Variants in EXOC8 observed in about 807,000 individuals in gnomAD.
The protein encoded by EXOC8 is exocyst complex 84 kDa subunit.
Under a neutral mutation model 50.8 loss-of-function variants are expected in EXOC8, and 19 were observed. The observed-to-expected ratio is 0.37, with a 90% CI of 0.26 to 0.55. The LOEUF (loss-of-function observed/expected upper bound fraction) is 0.55, where lower values mean the gene tolerates loss of function less well. Ranked by LOEUF, EXOC8 falls within the 20% of genes least tolerant of loss-of-function variation. The pLI, the probability that EXOC8 is intolerant of heterozygous loss-of-function variation, is 0.80. For synonymous variants in EXOC8, 384 were observed against 367.9 expected (o/e 1.04, Z -0.50); for missense variants, 781 against 915.8 (o/e 0.85, Z 1.90).
At position 231,333,323 on chromosome 1, in the gene EXOC8, ACT is replaced by A. The variant is rs1686601774; in HGVS notation, c.*2243_*2244del. The A allele has an allele frequency of 6.6e-6, 1 of 152,200 alleles. No homozygotes were observed. 9.4% of individuals were successfully genotyped at this position (152,200 alleles called of 1,614,324 possible). ...TTTAGTCAAGTTCCCATACTAATTG[ACT>A]CACCAAAGCATACTTCCTTCAGCTA... On this transcript the variant is annotated 3_prime_UTR_variant, in exon 1 of 1. Transcript: ENST00000366645.
In EXOC8 at chr1:231,333,169, A is replaced by T. The variant is rs530715577; in HGVS notation, c.*2399T>A. On this transcript the variant is annotated 3_prime_UTR_variant, in exon 1 of 1. Transcript: ENST00000366645. ...ACATTTCTGGACAATCTCTCATTGC[A>T]TTCAATTTTTAGAACTTGTCTTGGG... is the stretch of plus-strand genomic sequence containing the variant. 1 of 152,244 alleles carries T rather than the reference A, an allele frequency of 6.6e-6. No individual in the cohort carries two copies. The highest frequency in any genetic ancestry group is 2.4e-5 in the African/African-American group (1 of 41,472). The allele number at this position is 152,244 out of a possible 1,614,324, so 9.4% of individuals were successfully genotyped here.
rs1469457654 is a variant in EXOC8, at chr1:231,336,441, C to T, written c.1305G>A (p.Arg435=). 2 of 1,613,778 alleles carry T rather than the reference C, an allele frequency of 1.2e-6. No individual in the cohort carries two copies. Among genetic ancestry groups the T allele is most frequent in the East Asian group, 4.5e-5 (2 of 44,902 alleles). ...GAATTGCAGTATGAACAGCGGCTGC[C>T]CTGTTTCTCAAAAATAGCTCACAGG... is the stretch of plus-strand genomic sequence containing the variant. The part of the protein sequence containing the change: ...TKACELFLRN[R]AAAVHTAIRQ... The change falls in exon 1 of 1, where the codon AGG becomes AGA. Residue 435 remains arginine, a synonymous_variant. Transcript: ENST00000366645. The surrounding 1 kb of genome is among the most constrained non-coding windows in gnomAD (Gnocchi z 5.4).
rs1686716083 is a variant in EXOC8, at chr1:231,337,674, C to T, written c.72G>A (p.Ala24=). ...GCGAGAGCTGCTTCACGTACAGCCGCGCCTCAAAACCCCCTGACTCCAGCT... is the reference window on the plus strand; with the variant it reads ...GCGAGAGCTGCTTCACGTACAGCCGTGCCTCAAAACCCCCTGACTCCAGCT... The part of the protein sequence containing the change: ...RRQLESGGFE[A]RLYVKQLSQQ... The change falls in exon 1 of 1, where the codon GCG becomes GCA. Residue 24 remains alanine (A), a synonymous_variant. Coordinates refer to ENST00000366645, the MANE Select transcript of EXOC8 (RefSeq NM_175876.5). The surrounding 1 kb of genome is among the most constrained non-coding windows in gnomAD (Gnocchi z 5.9). 3 of 1,609,566 alleles carry T rather than the reference C, an allele frequency of 1.9e-6. No homozygotes were observed. Among genetic ancestry groups the T allele is most frequent in the Middle Eastern group, 1.6e-4 (1 of 6,084 alleles).
rs1686647210 is a variant in EXOC8 at position 231,335,544 on chromosome 1, T to C, written c.*24A>G. On this transcript the variant is annotated 3_prime_UTR_variant, in exon 1 of 1. Transcript: ENST00000366645. ...TATATAAGCTCTCTCTCTGCATATA[T>C]ACACATATAAACAGACCCAAGCATT... 1 of 1,552,750 alleles carries C rather than the reference T, an allele frequency of 6.4e-7. No homozygotes were observed. Among genetic ancestry groups the C allele is most frequent in the Non-Finnish European group, 8.7e-7 (1 of 1,155,688 alleles).
chr1:231,336,567 C>A lies in EXOC8; in HGVS notation c.1179G>T (p.Val393=). 1.2e-6 allele frequency: 2 copies of A among 1,614,154 alleles called. No individual in the cohort carries two copies. The highest frequency in any genetic ancestry group is 1.7e-6 in the Non-Finnish European group (2 of 1,180,040). ...VEERVRQLTE[V]LVFELSPDRS... Reference sequence around the variant, plus strand: ...GATCTGGGGAGAGTTCGAAAACTAGCACCTCAGTGAGCTGTCGAACTCGCT... The same window carrying A: ...GATCTGGGGAGAGTTCGAAAACTAGAACCTCAGTGAGCTGTCGAACTCGCT... Residue 393 remains valine, a synonymous_variant, in exon 1 of 1, where the codon GTG becomes GTT. Transcript: ENST00000366645. This position sits in a 1 kb window ranked among gnomAD's most constrained non-coding sequence, Gnocchi z 5.4.
chr1:231,337,431 C>A lies in EXOC8; in HGVS notation c.315G>T (p.Leu105Phe), dbSNP rs923633976. ...KSSLESIPLTLLPAAAAAGAA... is the reference protein window; with the variant it reads ...KSSLESIPLTFLPAAAAAGAA... ...CTCCGGCGGCAGCAGCGGCAGGCAGCAACGTAAGCGGGATGCTCTCCAGGC... is the reference window on the plus strand; with the variant it reads ...CTCCGGCGGCAGCAGCGGCAGGCAGAAACGTAAGCGGGATGCTCTCCAGGC... Residue 105 changes from leucine (L) to phenylalanine (F), a missense_variant, in exon 1 of 1, where the codon TTG (leucine) becomes TTT (phenylalanine). Physicochemically the swap from Leu to Phe is conservative, Grantham distance 22. Coordinates refer to ENST00000366645, the MANE Select transcript of EXOC8 (RefSeq NM_175876.5). This position sits in a 1 kb window ranked among gnomAD's most constrained non-coding sequence, Gnocchi z 5.9. 6.2e-7 allele frequency: 1 copy of A among 1,608,846 alleles called. No homozygotes were observed. Among genetic ancestry groups the A allele is most frequent in the Non-Finnish European group, 8.5e-7 (1 of 1,179,822 alleles).
rs770048359 is a variant in EXOC8 at position 231,337,312 on chromosome 1, C to A, written c.434G>T (p.Gly145Val). 8 of 1,603,076 alleles carry A rather than the reference C, an allele frequency of 5.0e-6. No homozygotes were observed. In the African/African-American group the frequency reaches 6.7e-5, roughly 13 times the overall value. Reference protein sequence around the residue: ...GQAGFFSTPGGASRDGSGPGE... With the variant: ...GQAGFFSTPGVASRDGSGPGE... ...TGGACCGGAGCCGTCGCGGGAGGCACCCCCGGGGGTGGAGAAAAAGCCGGC... is the reference window on the plus strand; with the variant it reads ...TGGACCGGAGCCGTCGCGGGAGGCAACCCCGGGGGTGGAGAAAAAGCCGGC... Residue 145 changes from glycine to valine, a missense_variant, in exon 1 of 1, where the codon GGT (glycine) becomes GTT (valine). By Grantham distance (109) the Gly-to-Val change is moderately radical (BLOSUM62 -3). Around this residue, in one of 3 missense-constraint regions of EXOC8, gnomAD observed 700 missense variants for 804.1 expected, o/e 0.87. Coordinates refer to ENST00000366645, the MANE Select transcript of EXOC8 (RefSeq NM_175876.5). This position sits in a 1 kb window ranked among gnomAD's most constrained non-coding sequence, Gnocchi z 5.9.
rs1686610539 is a variant in EXOC8, at chr1:231,333,721, T to C, written c.*1847A>G. On this transcript the variant is annotated 3_prime_UTR_variant, in exon 1 of 1. Transcript: ENST00000366645. ...AAATCCTAAAGTTATGTGAAAAAAA[T>C]TAGTCAAAGAAAATCTGTAAATCTG... 1 of 152,586 alleles carries C rather than the reference T, an allele frequency of 6.6e-6. No homozygotes were observed. Among genetic ancestry groups the C allele is most frequent in the Admixed American group, 6.5e-5 (1 of 15,276 alleles). The allele number at this position is 152,586 out of a possible 1,614,324, so 9.5% of individuals were successfully genotyped here.
In EXOC8 at chr1:231,335,740, T is replaced by G; in HGVS notation, c.2006A>C (p.Glu669Ala). The change falls in exon 1 of 1, where the codon GAG becomes GCG. Residue 669 changes from glutamate (E) to alanine (A), a missense_variant. Transcript: ENST00000366645. Reference protein sequence around the residue: ...DYSLRCEQDPEKKAFIRQNAS... With the variant: ...DYSLRCEQDPAKKAFIRQNAS... ...ATTCTGTCTGATAAAAGCTTTCTTCTCTGGATCCTGCTCACATCGAAGACT... is the reference window on the plus strand; with the variant it reads ...ATTCTGTCTGATAAAAGCTTTCTTCGCTGGATCCTGCTCACATCGAAGACT... 1 of 1,614,192 alleles carries G rather than the reference T, an allele frequency of 6.2e-7. No homozygotes were observed. The highest frequency in any genetic ancestry group is 8.5e-7 in the Non-Finnish European group (1 of 1,180,026).
In EXOC8 at chr1:231,337,402, G is replaced by GCGGCTC; in HGVS notation, c.338_343dup (p.Gly113_Ala114dup). The stretch of plus-strand genomic sequence containing the variant: ...TCCCTCCTCCCCTCCAGAGGCGGCG[G>GCGGCTC]CGGCTCCGGCGGCAGCAGCGGCAGG... On this transcript the variant is annotated inframe_insertion, in exon 1 of 1. Coordinates refer to ENST00000366645, the MANE Select transcript of EXOC8 (RefSeq NM_175876.5). This position sits in a 1 kb window ranked among gnomAD's most constrained non-coding sequence, Gnocchi z 5.9. 1 of 1,604,194 alleles carries GCGGCTC rather than the reference G, an allele frequency of 6.2e-7. No individual in the cohort carries two copies.
At position 231,337,536 on chromosome 1, in the gene EXOC8, G is replaced by A; in HGVS notation, c.210C>T (p.Phe70=). The A allele has an allele frequency of 6.2e-7, 1 of 1,613,330 alleles. No homozygotes were observed. Among genetic ancestry groups the A allele is most frequent in the Non-Finnish European group, 8.5e-7 (1 of 1,179,934 alleles). The change falls in exon 1 of 1, where the codon TTC becomes TTT. Residue 70 remains phenylalanine, a synonymous_variant. Transcript: ENST00000366645. This position sits in a 1 kb window ranked among gnomAD's most constrained non-coding sequence, Gnocchi z 5.9. Reference sequence around the variant, plus strand: ...AGGAGATCTCGCGGGCCGTCTCTATGAACTGCCGGTAGTTCTGGTAGACGT... The same window carrying A: ...AGGAGATCTCGCGGGCCGTCTCTATAAACTGCCGGTAGTTCTGGTAGACGT... ...KRNVYQNYRQ[F]IETAREISYL... is the part of the protein sequence containing the mutation.
rs1686621107 is a variant in EXOC8, at chr1:231,334,344, C to G, written c.*1224G>C. 6.6e-6 allele frequency: 1 copy of G among 152,138 alleles called. No individual in the cohort carries two copies. Among genetic ancestry groups the G allele is most frequent in the Admixed American group, 6.5e-5 (1 of 15,268 alleles). 9.4% of individuals were successfully genotyped at this position (152,138 alleles called of 1,614,324 possible). A position where few individuals can be genotyped will look rare whatever the true frequency, so the allele number is the denominator to read the frequency against. ...GATTTGCATATGTTTTTCTACTTTCCCATCCATCTAGACCCTGAAATCTAA... is the reference window on the plus strand; with the variant it reads ...GATTTGCATATGTTTTTCTACTTTCGCATCCATCTAGACCCTGAAATCTAA... On this transcript the variant is annotated 3_prime_UTR_variant, in exon 1 of 1. Transcript: ENST00000366645.
Position 231,333,528 on chromosome 1 carries a change from A to G in EXOC8, c.*2040T>C, listed in dbSNP as rs1686605875. On this transcript the variant is annotated 3_prime_UTR_variant, in exon 1 of 1. Transcript: ENST00000366645. ...TTCAGAAGTATCATTCCACAGACTC[A>G]GCATCATATATTTATACATATTTCA... 1 of 152,658 alleles carries G rather than the reference A, an allele frequency of 6.6e-6. No homozygotes were observed. The highest frequency in any genetic ancestry group is 6.5e-5 in the Admixed American group (1 of 15,286). 9.5% of individuals were successfully genotyped at this position (152,658 alleles called of 1,614,324 possible).
rs559471880 is a variant in EXOC8, at chr1:231,333,227, C to A, written c.*2341G>T. 3.3e-5 allele frequency: 5 copies of A among 152,138 alleles called. No individual in the cohort carries two copies. The highest frequency in any genetic ancestry group is 3.3e-4 in the Admixed American group (5 of 15,264). 9.4% of individuals were successfully genotyped at this position (152,138 alleles called of 1,614,324 possible). On this transcript the variant is annotated 3_prime_UTR_variant, in exon 1 of 1. Coordinates refer to ENST00000366645, the MANE Select transcript of EXOC8 (RefSeq NM_175876.5). Reference sequence around the variant, plus strand: ...AAACAGAAGAATTAGAGAAGAAAGCCCATGCCACTTTGAGGAATGTAACAT... The same window carrying A: ...AAACAGAAGAATTAGAGAAGAAAGCACATGCCACTTTGAGGAATGTAACAT...
Position 231,337,110 on chromosome 1 carries a change from C to G in EXOC8, c.636G>C (p.Leu212Phe). Residue 212 changes from leucine to phenylalanine, a missense_variant, in exon 1 of 1, where the codon TTG becomes TTC. By Grantham distance (22) the Leu-to-Phe change is conservative. Coordinates refer to ENST00000366645, the MANE Select transcript of EXOC8 (RefSeq NM_175876.5). The surrounding 1 kb of genome is among the most constrained non-coding windows in gnomAD (Gnocchi z 5.9). ...RVHGFLMNDC[L>F]LVATWLPQRR... The stretch of plus-strand genomic sequence containing the variant: ...GCTGAGGCAGCCAGGTAGCCACCAA[C>G]AAGCAATCGTTCATGAGAAAGCCGT... 2 of 1,614,190 alleles carry G rather than the reference C, an allele frequency of 1.2e-6. No individual in the cohort carries two copies. Among genetic ancestry groups the G allele is most frequent in the African/African-American group, 2.7e-5 (2 of 75,070 alleles).
Position 231,337,271 on chromosome 1 carries a change from G to A in EXOC8, c.475C>T (p.Gln159Ter). 6.2e-7 allele frequency: 1 copy of A among 1,608,556 alleles called. No homozygotes were observed. The highest frequency in any genetic ancestry group is 8.5e-7 in the Non-Finnish European group (1 of 1,179,978). The change falls in exon 1 of 1, where the codon CAG (glutamine) becomes TAG (stop). Residue 159 changes from glutamine (Q) to a stop codon, truncating the protein, a stop_gained. Coordinates refer to ENST00000366645, the MANE Select transcript of EXOC8 (RefSeq NM_175876.5). LOFTEE classifies it high-confidence loss of function. The surrounding 1 kb of genome is among the most constrained non-coding windows in gnomAD (Gnocchi z 5.9). ...DGSGPGEEGKQRTLTTLLEKV... is the reference protein window; with the variant it reads ...DGSGPGEEGK ...TCAAGCAGGGTGGTGAGAGTGCGCT[G>A]CTTTCCTTCCTCGCCTGGACCGGAG...
rs1463202720 is a variant in EXOC8, at chr1:231,337,764, C to G, written c.-19G>C. 1.3e-6 allele frequency: 2 copies of G among 1,564,344 alleles called. No homozygotes were observed. Among genetic ancestry groups the G allele is most frequent in the Non-Finnish European group, 1.7e-6 (2 of 1,156,778 alleles). ...TCGCCATTTCTCTCCGGGTCTCACG[C>G]ACTCACTGTCACTATCGGCGCCGCA... is the stretch of plus-strand genomic sequence containing the variant. On this transcript the variant is annotated 5_prime_UTR_variant, in exon 1 of 1. Coordinates refer to ENST00000366645, the MANE Select transcript of EXOC8 (RefSeq NM_175876.5). The surrounding 1 kb of genome is among the most constrained non-coding windows in gnomAD (Gnocchi z 5.9).
chr1:231,336,434 C>A lies in EXOC8; in HGVS notation c.1312G>T (p.Ala438Ser). The A allele has an allele frequency of 6.2e-7, 1 of 1,613,918 alleles. No individual in the cohort carries two copies. The highest frequency in any genetic ancestry group is 2.2e-5 in the East Asian group (1 of 44,888). The change falls in exon 1 of 1, where the codon GCT (alanine) becomes TCT (serine). Residue 438 changes from alanine to serine, a missense_variant. Ala to Ser is a moderately conservative substitution (Grantham distance 99). This residue lies in a region of EXOC8 where 700 missense variants were observed against 804.1 expected (regional missense o/e 0.87). Coordinates refer to ENST00000366645, the MANE Select transcript of EXOC8 (RefSeq NM_175876.5). This position sits in a 1 kb window ranked among gnomAD's most constrained non-coding sequence, Gnocchi z 5.4. ...CELFLRNRAA[A>S]VHTAIRQLRI... is the part of the protein sequence containing the mutation. ...AGCTGACGAATTGCAGTATGAACAGCGGCTGCCCTGTTTCTCAAAAATAGC... is the reference window on the plus strand; with the variant it reads ...AGCTGACGAATTGCAGTATGAACAGAGGCTGCCCTGTTTCTCAAAAATAGC...
In EXOC8 at chr1:231,337,610, G is replaced by A; in HGVS notation, c.136C>T (p.Gln46Ter). The part of the protein sequence containing the change: ...DGDRDLQEHR[Q>*]RIQALAEETA... ...TCCTCCGCCAGCGCCTGGATGCGCTGCCGGTGCTCCTGGAGGTCCCGGTCC... is the reference window on the plus strand; with the variant it reads ...TCCTCCGCCAGCGCCTGGATGCGCTACCGGTGCTCCTGGAGGTCCCGGTCC... Residue 46 changes from glutamine (Q) to a stop codon, truncating the protein, a stop_gained, in exon 1 of 1, where the codon CAG becomes TAG. Transcript: ENST00000366645. LOFTEE classifies it high-confidence loss of function. The surrounding 1 kb of genome is among the most constrained non-coding windows in gnomAD (Gnocchi z 5.9). The A allele has an allele frequency of 6.2e-7, 1 of 1,612,168 alleles. No homozygotes were observed. The highest frequency in any genetic ancestry group is 8.5e-7 in the Non-Finnish European group (1 of 1,179,990).
Sources: gnomAD v4.1 joint callset for allele counts on GRCh38, gnomAD v4.1.1 for gene constraint, gnomAD v4.1.1 regional missense constraint, Gnocchi (gnomAD v3.1) non-coding constraint, MANE v1.5 for transcripts, NCBI Gene and HGNC (gene_info 2026-07-23, HGNC 2026-07-21) for gene names.